Variants in NELL2 observed in about 807,000 individuals in gnomAD.
NELL2 encodes the protein protein kinase C-binding protein NELL2.
In NELL2, 41 loss-of-function variants were observed where a neutral mutation model predicts 109.6. That is an observed-to-expected ratio of 0.37 (90% confidence interval 0.29 to 0.49). The LOEUF (loss-of-function observed/expected upper bound fraction) is 0.49. Among genes scored for constraint, NELL2 ranks in the 20% least tolerant of loss-of-function variants. NELL2 has a pLI of 0.98. For synonymous variants in NELL2, 355 were observed against 344.7 expected (o/e 1.03, Z -0.33); for missense variants, 900 against 1,008.3 (o/e 0.89, Z 1.45).
At chr12:44,848,665 A>G (rs981586460) in intron 2 of NELL2, among the ~76,000 whole-genome samples, 2 of 152,098 alleles carry the variant, frequency 1.3e-5, no homozygotes, top group Non-Finnish European at 2.9e-5. Flanking sequence ...ATCACTTTAT[A>G]AAAGAGAGAG....
chr12:44,815,517 T>C (rs1459137459), intron 3 of NELL2, among the ~76,000 whole-genome samples: 1 of 152,284 alleles, frequency 6.6e-6, no homozygotes, highest in Non-Finnish European at 1.5e-5. Context: ...AACTTCTTAC[T>C]AACCTGAAAA....
chr12:44,777,192 C>T, intron 6 of NELL2, 50 bp downstream of exon 6: 1 of 1,607,518 alleles, frequency 6.2e-7, no homozygotes, highest in Non-Finnish European at 8.5e-7. Flanking sequence ...TAAGTCTATG[C>T]TGACAAGTAA....
intron 5 of NELL2, among the ~76,000 whole-genome samples, chr12:44,779,282 C>T (rs907987276): frequency 2.0e-5 from 3 of 152,142 alleles, no homozygotes; most frequent in African/African-American, 7.2e-5. Flanking sequence ...ATAATATATA[C>T]TAAAAAGCTT....
chr12:44,751,449 TA>T (rs1430131582), intron 9 of NELL2, among the ~76,000 whole-genome samples: 1 of 152,206 alleles, frequency 6.6e-6, no homozygotes, highest in African/African-American at 2.4e-5. Context: ...CTTCTTAAAA[TA>T]TTCATCAAAA....
intron 13 of NELL2, among the ~76,000 whole-genome samples, chr12:44,660,554 T>A: frequency 6.6e-6 from 1 of 152,202 alleles, no homozygotes; most frequent in Non-Finnish European, 1.5e-5. Context: ...TATCTCCAGA[T>A]ATTTTCAAGT....
At chr12:44,580,222 T>C (rs1192132512) in intron 15 of NELL2, among the ~76,000 whole-genome samples, 2 of 152,158 alleles carry the variant, frequency 1.3e-5, no homozygotes, top group African/African-American at 4.8e-5. Context: ...TGTAATGTCA[T>C]TTTTCTGTTA....
Position 44,736,775 on chromosome 12 carries a change from T to C in NELL2, c.995-22034A>G, listed in dbSNP as rs534927778. On this transcript the variant is annotated intron_variant, in intron 9 of 19. Coordinates refer to ENST00000429094, the MANE Select transcript of NELL2 (RefSeq NM_001145108.2). ...TGAAAATAATTTTATATAAGAATTATAGAATCAGTAAAGGTCTGACCTACA... is the reference window on the plus strand; with the variant it reads ...TGAAAATAATTTTATATAAGAATTACAGAATCAGTAAAGGTCTGACCTACA... 8.1e-4 allele frequency among the ~76,000 whole-genome samples: 124 copies of C among 152,252 alleles called. 1 individual carries two copies. The Middle Eastern group carries it at 0.01, about 13-fold the overall frequency.
chr12:44,817,451 T>C lies in NELL2; in HGVS notation c.185-1315A>G, dbSNP rs369387600. Among the ~76,000 whole-genome samples, 569 of 152,096 alleles carry C rather than the reference T, an allele frequency of 3.7e-3. 2 individuals carry two copies. The highest frequency in any genetic ancestry group is 6.7e-3 in the Non-Finnish European group (453 of 67,984). On this transcript the variant is annotated intron_variant, in intron 2 of 19. Transcript: ENST00000429094. ...AGAAGGGACACCTAATGTGATACAA[T>C]GAAAGAAATGCTCTCAGAGAGGTAG...
rs1941572605 is a variant in NELL2 at position 44,522,210 on chromosome 12, A to C, written c.1999-34T>G. Reference sequence around the variant, plus strand: ...AAAAGAAAAAAAGCAGTTACCAAAAACCTCCATTTCTCAGTAACACGCACA... The same window carrying C: ...AAAAGAAAAAAAGCAGTTACCAAAACCCTCCATTTCTCAGTAACACGCACA... On this transcript the variant is annotated intron_variant, in intron 17 of 19. Coordinates refer to ENST00000429094, the MANE Select transcript of NELL2 (RefSeq NM_001145108.2). The C allele has an allele frequency of 6.9e-6, 11 of 1,598,988 alleles. No homozygotes were observed. In the East Asian group the frequency reaches 2.5e-4, roughly 36 times the overall value.
intron 12 of NELL2, among the ~76,000 whole-genome samples, chr12:44,684,706 G>T (rs1948652508): frequency 6.6e-6 from 1 of 152,184 alleles, no homozygotes; most frequent in South Asian, 2.1e-4. Context: ...AGGTTGTTCA[G>T]TTTCCATGTA....
intron 2 of NELL2, among the ~76,000 whole-genome samples, chr12:44,872,809 T>A (rs1945202435): frequency 6.6e-6 from 1 of 152,210 alleles, no homozygotes; most frequent in South Asian, 2.1e-4. Context: ...TATGACTATG[T>A]ATAGTGTATA....
intron 12 of NELL2, among the ~76,000 whole-genome samples, chr12:44,682,782 C>G (rs1277225553): frequency 6.6e-6 from 1 of 152,180 alleles, no homozygotes; most frequent in East Asian, 1.9e-4. Flanking sequence ...ATCTATATCT[C>G]TGTTTTGGTA....
At chr12:44,917,906 C>T (rs1182927666), upstream of NELL2, among the ~76,000 whole-genome samples, 2 of 152,212 alleles carry the variant, frequency 1.3e-5, no homozygotes, top group African/African-American at 2.4e-5. Context: ...AGTCAGGGCT[C>T]TCCGCCATAT....
chr12:44,859,792 A>G (rs1044287243), intron 2 of NELL2, among the ~76,000 whole-genome samples: 6 of 152,194 alleles, frequency 3.9e-5, no homozygotes, highest in Non-Finnish European at 8.8e-5. Flanking sequence ...TACTTCAGCC[A>G]TGACACTGAA....
At chr12:44,639,394 A>T (rs1464324375) in intron 13 of NELL2, among the ~76,000 whole-genome samples, 4 of 152,150 alleles carry the variant, frequency 2.6e-5, no homozygotes, top group Non-Finnish European at 5.9e-5. Flanking sequence ...CGACCATGAC[A>T]CTTCACTCCA....
chr12:44,764,905 C>T (rs1941269878), intron 9 of NELL2, among the ~76,000 whole-genome samples: 1 of 151,524 alleles, frequency 6.6e-6, no homozygotes, highest in African/African-American at 2.4e-5. Context: ...GGATGCACAC[C>T]TGTTAGCTAA....
intron 12 of NELL2, among the ~76,000 whole-genome samples, chr12:44,670,627 T>C (rs1948106459): frequency 8.1e-6 from 1 of 123,120 alleles, no homozygotes; most frequent in African/African-American, 3.1e-5. Flanking sequence ...TCCATGCAAA[T>C]GAAAACCAAA....
chr12:44,623,390 CT>C (rs532359983), intron 13 of NELL2, among the ~76,000 whole-genome samples: 54 of 151,158 alleles, frequency 3.6e-4, no homozygotes, highest in Non-Finnish European at 7.1e-4. Context: ...AGAGTGAAAT[CT>C]TTTTTTTTGT....
chr12:44,868,782 A>G (rs1009983884), intron 2 of NELL2, among the ~76,000 whole-genome samples: 1 of 152,160 alleles, frequency 6.6e-6, no homozygotes, highest in African/African-American at 2.4e-5. Context: ...ACCAAAATTC[A>G]ATTAGATGGC....
Sources: allele counts gnomAD v4.1 joint callset (sites outside exome capture counted in the v4.1 genomes callset), GRCh38; gene constraint gnomAD v4.1.1; transcripts MANE v1.5; gene names NCBI Gene and HGNC (gene_info 2026-07-23, HGNC 2026-07-21).